The following CXCL13 variants were observed in gnomAD, a reference collection of about 807,000 sequenced individuals.
The protein encoded by CXCL13 is C-X-C motif chemokine 13.
In CXCL13, 7 loss-of-function variants were observed where a neutral mutation model predicts 12.2. That is an observed-to-expected ratio of 0.57 (90% CI 0.33 to 1.07). The LOEUF (loss-of-function observed/expected upper bound fraction) is 1.07, where lower values mean the gene tolerates loss of function less well. Among genes scored for constraint, CXCL13 ranks in the 50% least tolerant of loss-of-function variants. CXCL13 has a pLI of 0.04. For synonymous variants in CXCL13, 47 were observed against 42.4 expected (o/e 1.11, Z -0.42); for missense variants, 113 against 127.4 (o/e 0.89, Z 0.55).
intron 1 of CXCL13, among the ~76,000 whole-genome samples, chr4:77,547,690 T>A (rs1249592121): frequency 6.6e-6 from 1 of 152,234 alleles, no homozygotes; most frequent in Non-Finnish European, 1.5e-5. Flanking sequence ...TTTATCCAAT[T>A]TGCCAGTCTG....
At chr4:77,516,551 G>A (rs1270395437) in intron 1 of CXCL13, among the ~76,000 whole-genome samples, 1 of 152,200 alleles carries the variant, frequency 6.6e-6, no homozygotes, top group East Asian at 1.9e-4. Context: ...TGTATGTGTG[G>A]AGGAATTTAT....
chr4:77,600,272 A>G, intron 1 of CXCL13, among the ~76,000 whole-genome samples: 1 of 152,072 alleles, frequency 6.6e-6, no homozygotes, highest in East Asian at 1.9e-4. Context: ...CAGTGAGAGG[A>G]GCGGAATAGC....
At chr4:77,610,177 T>TC in intron 2 of CXCL13, among the ~76,000 whole-genome samples, 1 of 152,302 alleles carries the variant, frequency 6.6e-6, no homozygotes, top group Non-Finnish European at 1.5e-5. Context: ...CACTGAATTT[T>TC]TTTTTTTCAG....
chr4:77,544,688 C>T lies in CXCL13; in HGVS notation c.-43+32900C>T, dbSNP rs541583780. Among the ~76,000 whole-genome samples the T allele has an allele frequency of 2.2e-3, 329 of 152,230 alleles. 2 individuals carry two copies. The highest frequency in any genetic ancestry group is 7.5e-3 in the African/African-American group (310 of 41,532). On this transcript the variant is annotated intron_variant, in intron 1 of 4. Transcript: ENST00000286758. Reference sequence around the variant, plus strand: ...TAGATTGCAAAAATTTTCTCCCATTCTGTAGGTTGCCTGTTCACTCTGATG... The same window carrying T: ...TAGATTGCAAAAATTTTCTCCCATTTTGTAGGTTGCCTGTTCACTCTGATG...
chr4:77,610,912 G>A (rs997310003), intron 3 of CXCL13, 76 bp from the exon 4 acceptor site: 39 of 1,325,068 alleles, frequency 2.9e-5, no homozygotes, highest in South Asian at 2.9e-4. Context: ...GTCCTTGCCC[G>A]GTATCTCCAG....
chr4:77,528,228 G>A (rs188885648), intron 1 of CXCL13, among the ~76,000 whole-genome samples: 2,270 of 152,178 alleles, frequency 0.015, 21 homozygotes, highest in Non-Finnish European at 0.022. Flanking sequence ...GAATAGTGCC[G>A]CAATAAACAT....
intron 1 of CXCL13, among the ~76,000 whole-genome samples, chr4:77,540,737 G>T (rs151204315): frequency 2.0e-5 from 3 of 152,298 alleles, no homozygotes; most frequent in Non-Finnish European, 2.9e-5. Context: ...ATGCAAGTGC[G>T]TGTGGTTTTT....
At chr4:77,546,639 T>C (rs1026476675) in intron 1 of CXCL13, among the ~76,000 whole-genome samples, 3 of 152,184 alleles carry the variant, frequency 2.0e-5, no homozygotes, top group Non-Finnish European at 4.4e-5. Context: ...TTCTCTATTT[T>C]CTTTATTAGT....
intron 1 of CXCL13, among the ~76,000 whole-genome samples, chr4:77,527,949 G>T (rs1182111983): frequency 6.6e-6 from 1 of 151,802 alleles, no homozygotes; most frequent in Non-Finnish European, 1.5e-5. Flanking sequence ...CCCACAACAG[G>T]CCCTGGTGTG....
intron 1 of CXCL13, among the ~76,000 whole-genome samples, chr4:77,546,440 A>G (rs796742707): frequency 7.9e-5 from 12 of 152,268 alleles, no homozygotes; most frequent in African/African-American, 2.4e-4. Context: ...TTATTGGTCT[A>G]TTCAGGGATT....
intron 1 of CXCL13, among the ~76,000 whole-genome samples, chr4:77,522,091 C>T (rs1178857191): frequency 6.6e-6 from 1 of 152,138 alleles, no homozygotes; most frequent in Non-Finnish European, 1.5e-5. Context: ...GTTGTGATTT[C>T]TGTTCTTTCA....
At chr4:77,609,809 G>A (rs1727101882) in intron 2 of CXCL13, among the ~76,000 whole-genome samples, 1 of 152,198 alleles carries the variant, frequency 6.6e-6, no homozygotes, top group South Asian at 2.1e-4. Flanking sequence ...GAAGAAAAGT[G>A]TGGGCTCTGG....
At position 77,607,626 on chromosome 4, in the gene CXCL13, G is replaced by A; in HGVS notation, c.65-77G>A. ...TTTTAAGTCTTCAAATGCACGTTAT[G>A]AAAGATTAGTAATTAAATTCTAGTT... On this transcript the variant is annotated intron_variant, in intron 1 of 3. Coordinates refer to ENST00000682537, the MANE Select transcript of CXCL13 (RefSeq NM_001371558.1). 4 of 1,426,328 alleles carry A rather than the reference G, an allele frequency of 2.8e-6. No homozygotes were observed. The Admixed American group carries it at 8.0e-5, about 29-fold the overall frequency. The allele number at this position is 1,426,328 out of a possible 1,614,324, so 88.4% of individuals were successfully genotyped here. A position where few individuals can be genotyped will look rare whatever the true frequency, so the allele number is the denominator to read the frequency against.
intron 1 of CXCL13, among the ~76,000 whole-genome samples, chr4:77,528,775 C>T (rs374925097): frequency 6.6e-5 from 10 of 152,046 alleles, no homozygotes; most frequent in Non-Finnish European, 1.3e-4. Flanking sequence ...AGAAGCTCTT[C>T]AGTTTAATTA....
intron 1 of CXCL13, among the ~76,000 whole-genome samples, chr4:77,549,249 C>T (rs940282211): frequency 6.6e-6 from 1 of 152,132 alleles, no homozygotes; most frequent in Non-Finnish European, 1.5e-5. Flanking sequence ...AATCTTTTTT[C>T]AAGGCCTTTA....
chr4:77,574,743 G>A (rs1726165944), intron 1 of CXCL13, among the ~76,000 whole-genome samples: 1 of 151,850 alleles, frequency 6.6e-6, no homozygotes, highest in Non-Finnish European at 1.5e-5. Flanking sequence ...TCTTCTGCCT[G>A]TCTGTGTAGT....
intron 1 of CXCL13, among the ~76,000 whole-genome samples, chr4:77,580,065 T>C (rs1028232337): frequency 2.0e-5 from 3 of 152,050 alleles, no homozygotes; most frequent in Admixed American, 2.0e-4. Flanking sequence ...TGCAGGTTGA[T>C]TATTAAAACT....
At chr4:77,555,545 A>G (rs1438262227) in intron 1 of CXCL13, among the ~76,000 whole-genome samples, 1 of 152,126 alleles carries the variant, frequency 6.6e-6, no homozygotes, top group African/African-American at 2.4e-5. Flanking sequence ...ACCTAAATGT[A>G]AAAATAAAAA....
At chr4:77,543,043 C>A (rs1427965757) in intron 1 of CXCL13, among the ~76,000 whole-genome samples, 6 of 151,980 alleles carry the variant, frequency 3.9e-5, no homozygotes, top group Non-Finnish European at 5.9e-5. Context: ...TTTTGGAACT[C>A]AATATTAGTC....
Sources: gnomAD v4.1 joint callset for allele counts (sites outside exome capture counted in the v4.1 genomes callset) on GRCh38, gnomAD v4.1.1 for gene constraint, MANE v1.5 for transcripts, NCBI Gene and HGNC (gene_info 2026-07-23, HGNC 2026-07-21) for gene names.